The following ODAD3 variants were observed in gnomAD, a reference collection of about 807,000 sequenced individuals.
The protein encoded by ODAD3 is outer dynein arm docking complex subunit 3.
A neutral mutation model predicts 70.9 loss-of-function variants in ODAD3; 57 were observed. The ratio of observed to expected loss-of-function variants is 0.80; its 90% CI spans 0.65 to 1.00. ODAD3 has a LOEUF of 1.00. Among genes scored for constraint, ODAD3 ranks in the 50% least tolerant of loss-of-function variants. The probability of loss-of-function intolerance (pLI) is 0.00; values close to 1 mark genes in which losing one functional copy is unlikely to be tolerated. For missense variants in ODAD3, 797 were observed against 763.9 expected, an observed-to-expected ratio of 1.04 and a Z score of -0.51; for synonymous variants, 327 against 315.9, an observed-to-expected ratio of 1.04 and a Z score of -0.37.
chr19:11,431,052 G>C (rs1483014470), intron 1 of ODAD3, 32 bp from the exon 2 acceptor site: 1 of 1,613,424 alleles, frequency 6.2e-7, no homozygotes, highest in Admixed American at 1.7e-5. Flanking sequence ...CAGACACACA[G>C]TTACTGGGTG....
intron 8 of ODAD3, among the ~76,000 whole-genome samples, chr19:11,423,264 C>G (rs1485385547): frequency 3.9e-5 from 6 of 152,190 alleles, no homozygotes; most frequent in Non-Finnish European, 5.9e-5. Context: ...GCCTCAGTGC[C>G]CCAGATGACC....
At chr19:11,426,606 G>A in intron 5 of ODAD3, 35 bp from the exon 6 acceptor site, 1 of 1,613,848 alleles carries the variant, frequency 6.2e-7, no homozygotes, top group South Asian at 1.1e-5. Context: ...CGGAGATGGT[G>A]CAGGTCTGTG....
At chr19:11,425,579 A>ATATGTGTG (rs1969341168) in intron 7 of ODAD3, among the ~76,000 whole-genome samples, 1 of 144,066 alleles carries the variant, frequency 6.9e-6, no homozygotes, top group African/African-American at 2.6e-5. Flanking sequence ...ATGTATGTAT[A>ATATGTGTG]TATGTATGTA....
chr19:11,426,318 G>A, intron 6 of ODAD3, 52 bp from the exon 7 acceptor site: 3 of 1,609,922 alleles, frequency 1.9e-6, no homozygotes, highest in Non-Finnish European at 2.5e-6. Context: ...ACCACTGCCC[G>A]CCGCAGGGTG....
Position 11,434,809 on chromosome 19 carries a change from G to T in ODAD3, c.208C>A (p.Gln70Lys), listed in dbSNP as rs892807467. Residue 70 changes from glutamine to lysine, a missense_variant, in exon 1 of 13, where the codon CAG becomes AAG. Coordinates refer to ENST00000356392, the MANE Select transcript of ODAD3 (RefSeq NM_145045.5). ...RGAGKPSVHS[Q>K]VAELHKKIQL... ...ATCTTTTTATGTAACTCAGCCACCT[G>T]AGAGTGCACAGAGGGCTTCCCTGCA... is the stretch of plus-strand genomic sequence containing the variant. The T allele has an allele frequency of 6.2e-7, 1 of 1,613,992 alleles. No homozygotes were observed. The highest frequency in any genetic ancestry group is 1.7e-5 in the Admixed American group (1 of 60,024).
At chr19:11,426,306 C>T (rs1969372854) in intron 6 of ODAD3, 40 bp from the exon 7 acceptor site, 1 of 1,611,128 alleles carries the variant, frequency 6.2e-7, no homozygotes, top group African/African-American at 1.3e-5. Flanking sequence ...CAGCTGGCAC[C>T]TACCACTGCC....
rs374921546 is a variant in ODAD3 at position 11,432,542 on chromosome 19, G to A, written c.245-1522C>T. Among the ~76,000 whole-genome samples, 18 of 151,692 alleles carry A rather than the reference G, an allele frequency of 1.2e-4. No individual in the cohort carries two copies. The East Asian group carries it at 2.7e-3, about 23-fold the overall frequency. ...ATTACAGGTATGAACCACTGTGCCC[G>A]GCCTGCCCATCTCAATTTTTTTTAA... On this transcript the variant is annotated intron_variant, in intron 1 of 12. Transcript: ENST00000356392.
chr19:11,425,486 TATATGTA>T (rs1969330603), intron 7 of ODAD3, among the ~76,000 whole-genome samples: 1 of 142,748 alleles, frequency 7.0e-6, no homozygotes, highest in Non-Finnish European at 1.5e-5. Flanking sequence ...TATGTGTGTA[TATATGTA>T]TATATGTATA....
At chr19:11,425,660 T>TACATGCATATAC (rs1969351051) in intron 7 of ODAD3, among the ~76,000 whole-genome samples, 1 of 131,950 alleles carries the variant, frequency 7.6e-6, no homozygotes, top group African/African-American at 3.8e-5. Context: ...CGTATATATA[T>TACATGCATATAC]ATATATATAT....
rs1360776113 is a variant in ODAD3, at chr19:11,421,840, C to T, written c.1435-8G>A. 1 of 1,610,036 alleles carries T rather than the reference C, an allele frequency of 6.2e-7. No homozygotes were observed. Among genetic ancestry groups the T allele is most frequent in the South Asian group, 1.1e-5 (1 of 90,904 alleles). ...CGCGAAGCGGCCGTCCTCCTGCGGCCAGGGTAGAGCCGGGTCAGCCGAGAG... is the reference window on the plus strand; with the variant it reads ...CGCGAAGCGGCCGTCCTCCTGCGGCTAGGGTAGAGCCGGGTCAGCCGAGAG... On this transcript the variant is annotated splice_region_variant and splice_polypyrimidine_tract_variant and intron_variant, in intron 10 of 12. Transcript: ENST00000356392.
chr19:11,435,596 G>T, upstream of ODAD3: 1 of 993,342 alleles, frequency 1.0e-6, no homozygotes, highest in South Asian at 1.3e-5. Context: ...GGTGCGGAAC[G>T]TACGACCGGA....
chr19:11,426,341 T>C, intron 6 of ODAD3, 75 bp from the exon 7 acceptor site: 1 of 1,605,380 alleles, frequency 6.2e-7, no homozygotes, highest in South Asian at 1.1e-5. Context: ...GGGAGATAGA[T>C]GGGGGCGGGG....
chr19:11,433,203 G>C (rs560244782), intron 1 of ODAD3, among the ~76,000 whole-genome samples: 1 of 152,084 alleles, frequency 6.6e-6, no homozygotes, highest in Non-Finnish European at 1.5e-5. Context: ...TTGCCGTGGG[G>C]TGCTCTCCTG....
chr19:11,423,832 G>A, intron 8 of ODAD3, 45 bp downstream of exon 8: 2 of 1,490,376 alleles, frequency 1.3e-6, no homozygotes, highest in Non-Finnish European at 1.8e-6. Context: ...GGCCCGTCTG[G>A]GGTGGGGGGG....
At chr19:11,425,439 ATG>A (rs1161282380) in intron 7 of ODAD3, among the ~76,000 whole-genome samples, 3 of 139,764 alleles carry the variant, frequency 2.1e-5, no homozygotes, top group South Asian at 2.1e-4. Flanking sequence ...ATATGTGTAT[ATG>A]TATATATACA....
intron 7 of ODAD3, among the ~76,000 whole-genome samples, chr19:11,425,425 A>G (rs1429291317): frequency 2.8e-5 from 4 of 143,352 alleles, no homozygotes; most frequent in East Asian, 4.1e-4. Context: ...ATGTGTATAT[A>G]CACATATGTG....
intron 5 of ODAD3, 24 bp from the exon 6 acceptor site, chr19:11,426,595 G>C (rs1186459646): frequency 6.2e-7 from 1 of 1,613,978 alleles, no homozygotes; most frequent in Admixed American, 1.7e-5. Flanking sequence ...GGGAGGGGTA[G>C]CGGAGATGGT....
chr19:11,420,672 G>C lies in ODAD3; in HGVS notation c.*163C>G. 1.6e-6 allele frequency: 1 copy of C among 616,234 alleles called. No homozygotes were observed. Among genetic ancestry groups the C allele is most frequent in the Non-Finnish European group, 2.9e-6 (1 of 348,710 alleles). 38.2% of individuals were successfully genotyped at this position (616,234 alleles called of 1,614,324 possible). The stretch of plus-strand genomic sequence containing the variant: ...GACCCAGCTGGGGAGATTTACTGTG[G>C]GAACGTCTGGCCCGGCCCCTTCCTC... On this transcript the variant is annotated 3_prime_UTR_variant, in exon 13 of 13. Coordinates refer to ENST00000356392, the MANE Select transcript of ODAD3 (RefSeq NM_145045.5).
At chr19:11,425,017 A>ATGTACATATGTGTATATGTATATATGTG (rs1969257981) in intron 7 of ODAD3, among the ~76,000 whole-genome samples, 1 of 131,920 alleles carries the variant, frequency 7.6e-6, no homozygotes, top group East Asian at 2.4e-4. Context: ...ATATGTGTAT[A>ATGTACATATGTGTATATGTATATATGTG]TATACATATG....
Sources: allele counts gnomAD v4.1 joint callset (sites outside exome capture counted in the v4.1 genomes callset), GRCh38; gene constraint gnomAD v4.1.1; transcripts MANE v1.5; gene names NCBI Gene and HGNC (gene_info 2026-07-23, HGNC 2026-07-21).